Variants in GLIS3 observed in about 807,000 individuals in gnomAD.
GLIS3 encodes the protein zinc finger protein GLIS3.
GLIS3 carries 53 observed loss-of-function variants against 78.6 expected under a neutral mutation model. The ratio of observed to expected loss-of-function variants is 0.67; its 90% CI spans 0.54 to 0.85. The LOEUF (loss-of-function observed/expected upper bound fraction) is 0.85, where lower values mean the gene tolerates loss of function less well. GLIS3 is among the 40% of genes least tolerant of loss of function. GLIS3 has a pLI of 0.00. For missense variants in GLIS3, 1,703 were observed against 1,231.1 expected (o/e 1.38, Z -5.74); for synonymous variants, 684 against 509.9 (o/e 1.34, Z -4.60).
chr9:4,482,539 A>G, the GLIS3 span, among the ~76,000 whole-genome samples: 30 of 152,252 alleles, frequency 2.0e-4, no homozygotes, highest in Admixed American at 6.5e-4. Context: ...GTACTCCATG[A>G]CCTCCTCCTC....
intron 2 of GLIS3, among the ~76,000 whole-genome samples, chr9:4,227,329 G>T (rs567107322): frequency 7.4e-5 from 11 of 148,168 alleles, no homozygotes; most frequent in African/African-American, 2.7e-4. Flanking sequence ...AAAAAAGTAA[G>T]TAAGTTACGC....
chr9:4,420,058 G>A, the GLIS3 span, among the ~76,000 whole-genome samples: 1 of 152,198 alleles, frequency 6.6e-6, no homozygotes, highest in Non-Finnish European at 1.5e-5. Context: ...ATGTCCTGAA[G>A]CCTGGCTGTT....
At chr9:3,915,704 G>C (rs930459786) in intron 6 of GLIS3, among the ~76,000 whole-genome samples, 1 of 152,062 alleles carries the variant, frequency 6.6e-6, no homozygotes, top group Non-Finnish European at 1.5e-5. Flanking sequence ...GCAGCCCCCT[G>C]GAAAGATGCT....
In GLIS3 at chr9:3,829,437, T is replaced by C. The variant is rs1430892946; in HGVS notation, c.2529A>G (p.Arg843=). The change falls in exon 10 of 11, where the codon AGA becomes AGG. Residue 843 remains arginine, a synonymous_variant. Transcript: ENST00000381971. ...TGCAGGAGCTGACAGGCGGCACAAT[T>C]CTCTGGGAATCGGGGTAGTGTGGGG... ...FCPPHYPDSQ[R]IVPPVSSCSV... 2 of 1,613,916 alleles carry C rather than the reference T, an allele frequency of 1.2e-6. No homozygotes were observed. Among genetic ancestry groups the C allele is most frequent in the Non-Finnish European group, 1.7e-6 (2 of 1,179,984 alleles).
chr9:3,845,455 G>C (rs1818971321), intron 9 of GLIS3, among the ~76,000 whole-genome samples: 1 of 152,122 alleles, frequency 6.6e-6, no homozygotes, highest in African/African-American at 2.4e-5. Flanking sequence ...TTACCTTTGA[G>C]CAGTGGAATT....
the GLIS3 span, among the ~76,000 whole-genome samples, chr9:4,426,090 G>A: frequency 6.6e-6 from 1 of 152,104 alleles, no homozygotes; most frequent in Non-Finnish European, 1.5e-5. Flanking sequence ...GGTGCCAAGC[G>A]CCCTGACACC....
At chr9:4,017,645 G>A (rs1047594224) in intron 4 of GLIS3, among the ~76,000 whole-genome samples, 1 of 152,136 alleles carries the variant, frequency 6.6e-6, no homozygotes, top group African/African-American at 2.4e-5. Flanking sequence ...AAGTTTGTGG[G>A]GATTTTCAGG....
chr9:4,350,852 C>T (rs1397365670), upstream of GLIS3, among the ~76,000 whole-genome samples: 1 of 152,114 alleles, frequency 6.6e-6, no homozygotes, highest in East Asian at 1.9e-4. Flanking sequence ...GTTTCTGTCT[C>T]CTCAGGACTT....
the GLIS3 span, among the ~76,000 whole-genome samples, chr9:4,376,102 G>C: frequency 6.6e-6 from 1 of 152,112 alleles, no homozygotes; most frequent in Non-Finnish European, 1.5e-5. Context: ...AGAACAGTTG[G>C]GTTAGCAATC....
chr9:4,227,267 C>T (rs955920670), intron 2 of GLIS3, among the ~76,000 whole-genome samples: 7 of 149,176 alleles, frequency 4.7e-5, no homozygotes, highest in African/African-American at 1.7e-4. Flanking sequence ...ACAGAATTTG[C>T]CACACTCCTA....
At chr9:3,927,349 C>T (rs1245949866) in intron 6 of GLIS3, among the ~76,000 whole-genome samples, 3 of 152,172 alleles carry the variant, frequency 2.0e-5, no homozygotes, top group South Asian at 2.1e-4. Context: ...TTTTGAGCAA[C>T]GCCTAATGTT....
the GLIS3 span, among the ~76,000 whole-genome samples, chr9:4,457,580 G>A: frequency 7.9e-5 from 12 of 151,998 alleles, no homozygotes; most frequent in Non-Finnish European, 1.6e-4. Context: ...AGGCGTGGTG[G>A]CTCACATCTG....
At chr9:3,953,755 G>C (rs1306421487) in intron 4 of GLIS3, among the ~76,000 whole-genome samples, 1 of 129,438 alleles carries the variant, frequency 7.7e-6, no homozygotes, top group African/African-American at 3.0e-5. Context: ...ATGATAATTA[G>C]ATTTGCTCTC....
chr9:4,271,617 C>T (rs991454020), intron 2 of GLIS3, among the ~76,000 whole-genome samples: 2 of 152,190 alleles, frequency 1.3e-5, no homozygotes, highest in African/African-American at 4.8e-5. Context: ...GTACACCCTC[C>T]TCTTAGGTGC....
chr9:4,331,334 G>T (rs1259607410), intron 2 of GLIS3, among the ~76,000 whole-genome samples: 1 of 152,068 alleles, frequency 6.6e-6, no homozygotes, highest in Non-Finnish European at 1.5e-5. Context: ...TCAATCATTG[G>T]TTTTAGGGCA....
At chr9:4,374,407 G>C in the GLIS3 span, among the ~76,000 whole-genome samples, 1 of 152,164 alleles carries the variant, frequency 6.6e-6, no homozygotes, top group Non-Finnish European at 1.5e-5. Flanking sequence ...CCACCTTATA[G>C]CATATTTCAA....
At chr9:4,127,886 C>A (rs1832695767) in intron 2 of GLIS3, among the ~76,000 whole-genome samples, 1 of 152,176 alleles carries the variant, frequency 6.6e-6, no homozygotes. Flanking sequence ...AAAGATATAG[C>A]AGCTGGAACA....
At chr9:4,479,032 C>A in the GLIS3 span, among the ~76,000 whole-genome samples, 42 of 152,288 alleles carry the variant, frequency 2.8e-4, no homozygotes, top group East Asian at 7.3e-3. Flanking sequence ...TTTTGTAAGA[C>A]AAACGACCAA....
At position 4,118,111 on chromosome 9, in the gene GLIS3, G is replaced by A; in HGVS notation, c.1367C>T (p.Pro456Leu). ...GGCATGGTAAGGGGGTGGGGGGCCTGGGGGCGGCGGCAGAGGAGGGAGCGG... is the reference window on the plus strand; with the variant it reads ...GGCATGGTAAGGGGGTGGGGGGCCTAGGGGCGGCGGCAGAGGAGGGAGCGG... ...APPLPPLPPP[P>L]GPPPPYHAHA... Residue 456 changes from proline to leucine, a missense_variant, in exon 4 of 11, where the codon CCA becomes CTA. Transcript: ENST00000381971. This position sits in a 1 kb window ranked among gnomAD's most constrained non-coding sequence, Gnocchi z 4.7. 1 of 1,527,466 alleles carries A rather than the reference G, an allele frequency of 6.5e-7. No individual in the cohort carries two copies. The highest frequency in any genetic ancestry group is 1.4e-5 in the African/African-American group (1 of 71,796). 94.6% of individuals were successfully genotyped at this position (1,527,466 alleles called of 1,614,324 possible). A position where few individuals can be genotyped will look rare whatever the true frequency, so the allele number is the denominator to read the frequency against.
Sources: gnomAD v4.1 joint callset for allele counts (sites outside exome capture counted in the v4.1 genomes callset) on GRCh38, gnomAD v4.1.1 for gene constraint, Gnocchi (gnomAD v3.1) non-coding constraint, MANE v1.5 for transcripts, NCBI Gene and HGNC (gene_info 2026-07-23, HGNC 2026-07-21) for gene names.